Variants in RGS12 observed in about 807,000 individuals in gnomAD.
RGS12 encodes the protein regulator of G protein signaling 12.
In RGS12, 66 loss-of-function variants were observed where a neutral mutation model predicts 120.1. The observed-to-expected ratio is 0.55, with a 90% CI of 0.45 to 0.67. The LOEUF is 0.67. Among genes scored for constraint, RGS12 ranks in the 30% least tolerant of loss-of-function variants. The pLI is 0.00. For synonymous variants in RGS12, 827 were observed against 804.7 expected, an observed-to-expected ratio of 1.03 and a Z score of -0.47; for missense variants, 1,859 against 1,957.7, an observed-to-expected ratio of 0.95 and a Z score of 0.95.
intron 4 of RGS12, among the ~76,000 whole-genome samples, chr4:3,392,739 A>G (rs903930137): frequency 6.6e-6 from 1 of 152,216 alleles, no homozygotes; most frequent in Non-Finnish European, 1.5e-5. Flanking sequence ...CTGTAATCCC[A>G]GCACTTTGGG....
intron 4 of RGS12, among the ~76,000 whole-genome samples, chr4:3,403,082 C>T (rs963032748): frequency 2.6e-5 from 4 of 152,222 alleles, no homozygotes; most frequent in South Asian, 2.1e-4. Context: ...TCGCAGGAGC[C>T]GCTCTGCTCA....
chr4:3,370,382 C>A, intron 3 of RGS12: 1 of 1,530,654 alleles, frequency 6.5e-7, no homozygotes, highest in South Asian at 1.1e-5. Context: ...GGCACCCTGG[C>A]TATCCTGTTT....
At chr4:3,319,784 C>T (rs1725058902) in intron 2 of RGS12, among the ~76,000 whole-genome samples, 1 of 152,200 alleles carries the variant, frequency 6.6e-6, no homozygotes, top group Admixed American at 6.5e-5. Flanking sequence ...GCTGCACGTG[C>T]TGCTGCTGTC....
chr4:3,359,424 C>T (rs558314355), intron 3 of RGS12, among the ~76,000 whole-genome samples: 3 of 18,762 alleles, frequency 1.6e-4, no homozygotes, highest in Admixed American at 1.4e-3. Context: ...CCTCCCCCTT[C>T]TCTTCCTCCT....
At position 3,439,554 on chromosome 4, in the gene RGS12, G is replaced by A. The variant is rs775847902; in HGVS notation, c.4214G>A (p.Gly1405Glu). ...SAPGRDGGIAGAQAGPGRSQA... is the reference protein window; with the variant it reads ...SAPGRDGGIAEAQAGPGRSQA... ...CCCGGGCGGGATGGTGGCATAGCGG[G>A]GGCACAGGCTGGCCCTGGGAGGTCG... The change falls in exon 18 of 18, where the codon GGG (glycine) becomes GAG (glutamate). Residue 1405 changes from glycine to glutamate, a missense_variant. By Grantham distance (98) the Gly-to-Glu change is moderately conservative (BLOSUM62 -2). Around this residue, in one of 3 missense-constraint regions of RGS12, gnomAD observed 517 missense variants for 488.5 expected, o/e 1.06. Coordinates refer to ENST00000336727, the MANE Select transcript of RGS12 (RefSeq NM_001394154.1). The A allele has an allele frequency of 6.2e-7, 1 of 1,612,386 alleles. No individual in the cohort carries two copies. Among genetic ancestry groups the A allele is most frequent in the Admixed American group, 1.7e-5 (1 of 59,962 alleles).
chr4:3,334,510 G>A (rs1375350594), intron 2 of RGS12, among the ~76,000 whole-genome samples: 1 of 151,964 alleles, frequency 6.6e-6, no homozygotes, highest in East Asian at 1.9e-4. Flanking sequence ...TCGAGTTTTG[G>A]TATCAAGATT....
chr4:3,354,377 T>C (rs1005207475), intron 3 of RGS12, among the ~76,000 whole-genome samples: 2 of 152,224 alleles, frequency 1.3e-5, no homozygotes, highest in African/African-American at 4.8e-5. Flanking sequence ...TTGTCTTTAG[T>C]TGGTACTTAA....
At chr4:3,303,281 G>T (rs1270138883) in intron 1 of RGS12, among the ~76,000 whole-genome samples, 1 of 152,196 alleles carries the variant, frequency 6.6e-6, no homozygotes, top group African/African-American at 2.4e-5. Context: ...GGGGAGTCCA[G>T]CAGGAGGTGT....
intron 2 of RGS12, among the ~76,000 whole-genome samples, chr4:3,334,750 C>T (rs974585647): frequency 5.3e-5 from 8 of 152,026 alleles, no homozygotes; most frequent in African/African-American, 1.7e-4. Context: ...AGTCAGCACT[C>T]GTCTTTTTAT....
chr4:3,411,033 G>A (rs998040754), intron 4 of RGS12, among the ~76,000 whole-genome samples: 3 of 152,102 alleles, frequency 2.0e-5, no homozygotes, highest in African/African-American at 7.2e-5. Context: ...CGTGGCTCTG[G>A]GCTTCGTGTC....
intron 1 of RGS12, among the ~76,000 whole-genome samples, chr4:3,311,040 C>T (rs1437404472): frequency 2.6e-5 from 4 of 152,322 alleles, no homozygotes; most frequent in South Asian, 2.1e-4. Context: ...GGATGACATG[C>T]GCTGCACAGC....
intron 3 of RGS12, among the ~76,000 whole-genome samples, chr4:3,357,749 ACT>A (rs1163617559): frequency 2.6e-5 from 4 of 152,094 alleles, no homozygotes; most frequent in Non-Finnish European, 5.9e-5. Context: ...CCAGTGCCAC[ACT>A]GTTTTGATTA....
At chr4:3,391,209 T>A (rs1483350643) in intron 4 of RGS12, among the ~76,000 whole-genome samples, 1 of 152,236 alleles carries the variant, frequency 6.6e-6, no homozygotes, top group East Asian at 1.9e-4. Flanking sequence ...ACAGTGTATT[T>A]GTAGGGTGTG....
At chr4:3,394,115 G>A (rs1044747107) in intron 4 of RGS12, among the ~76,000 whole-genome samples, 4 of 152,150 alleles carry the variant, frequency 2.6e-5, no homozygotes, top group East Asian at 1.9e-4. Context: ...CTCTCTGAAC[G>A]TGGTGCCCTT....
chr4:3,307,098 C>T (rs1444022190), intron 1 of RGS12, among the ~76,000 whole-genome samples: 1 of 152,228 alleles, frequency 6.6e-6, no homozygotes, highest in Non-Finnish European at 1.5e-5. Context: ...GTGAGCCCAT[C>T]GTTCACACCT....
At chr4:3,312,391 G>C (rs1201216996) in intron 1 of RGS12, 14 of 181,574 alleles carry the variant, frequency 7.7e-5, no homozygotes, top group Non-Finnish European at 8.4e-5. Context: ...AAGGTTCACT[G>C]GGTGTCTTCT....
At chr4:3,362,680 TGAGG>T (rs1473839069) in intron 3 of RGS12, among the ~76,000 whole-genome samples, 27 of 112,220 alleles carry the variant, frequency 2.4e-4, no homozygotes, top group African/African-American at 7.9e-4. Context: ...AGTGTGAGGG[TGAGG>T]GTGTGTGTGA....
Position 3,437,951 on chromosome 4 carries a change from G to A in RGS12, c.4115-1504G>A, listed in dbSNP as rs915176291. ...AAGCTTGGACTGAGGGTGAGGAGGGGCACGCTGGGATTGGGGACCTTGGTG... is the reference window on the plus strand; with the variant it reads ...AAGCTTGGACTGAGGGTGAGGAGGGACACGCTGGGATTGGGGACCTTGGTG... On this transcript the variant is annotated intron_variant, in intron 17 of 17. Transcript: ENST00000336727. 4.6e-5 allele frequency among the ~76,000 whole-genome samples: 7 copies of A among 152,306 alleles called. No individual in the cohort carries two copies. The East Asian group carries it at 1.4e-3, about 29-fold the overall frequency.
chr4:3,401,938 T>C, intron 4 of RGS12, among the ~76,000 whole-genome samples: 1 of 152,188 alleles, frequency 6.6e-6, no homozygotes, highest in East Asian at 1.9e-4. Context: ...GCAGAGCCTC[T>C]CCACAGTCAG....
Sources: gnomAD v4.1 joint callset for allele counts (sites outside exome capture counted in the v4.1 genomes callset) on GRCh38, gnomAD v4.1.1 for gene constraint, gnomAD v4.1.1 regional missense constraint, MANE v1.5 for transcripts, NCBI Gene and HGNC (gene_info 2026-07-23, HGNC 2026-07-21) for gene names.